Variants in ZNF33B observed in about 807,000 individuals in gnomAD.
ZNF33B encodes zinc finger protein 11b (KOX 2).
Under a neutral mutation model 45.8 loss-of-function variants are expected in ZNF33B, and 29 were observed. The ratio of observed to expected loss-of-function variants is 0.63; its 90% CI spans 0.47 to 0.86. The LOEUF is 0.86. Among genes scored for constraint, ZNF33B ranks in the 40% least tolerant of loss-of-function variants. ZNF33B has a pLI of 0.00. For synonymous variants in ZNF33B, 305 were observed against 307.8 expected, an observed-to-expected ratio of 0.99 and a Z score of 0.10; for missense variants, 831 against 909.9, an observed-to-expected ratio of 0.91 and a Z score of 1.12.
downstream of ZNF33B, among the ~76,000 whole-genome samples, chr10:42,586,474 T>C: frequency 6.6e-6 from 1 of 152,136 alleles, no homozygotes; most frequent in East Asian, 1.9e-4. Context: ...AGACGAAGTC[T>C]CACTCTGTCA....
At chr10:42,600,931 T>C (rs1176362570) in intron 4 of ZNF33B, among the ~76,000 whole-genome samples, 4 of 151,836 alleles carry the variant, frequency 2.6e-5, no homozygotes, top group Admixed American at 1.3e-4. Flanking sequence ...TTCATCCCCC[T>C]GAGTAGATCC....
intron 4 of ZNF33B, among the ~76,000 whole-genome samples, chr10:42,625,285 G>A (rs1838757192): frequency 6.6e-6 from 1 of 151,886 alleles, no homozygotes; most frequent in East Asian, 1.9e-4. Flanking sequence ...TCAGCACAAA[G>A]GTCCTATACA....
intron 4 of ZNF33B, among the ~76,000 whole-genome samples, chr10:42,628,690 CACT>C (rs1395213519): frequency 2.5e-4 from 38 of 152,172 alleles, no homozygotes; most frequent in African/African-American, 8.9e-4. Flanking sequence ...CTATGTTGTT[CACT>C]ATGAGTTTCC....
chr10:42,631,790 G>C, intron 4 of ZNF33B, 139 bp downstream of exon 4: 2 of 717,260 alleles, frequency 2.8e-6, no homozygotes, highest in South Asian at 3.8e-5. Context: ...TTAGCAATCA[G>C]TATTCTCCAT....
intron 4 of ZNF33B, among the ~76,000 whole-genome samples, chr10:42,599,653 G>A (rs1462999031): frequency 6.6e-6 from 1 of 151,798 alleles, no homozygotes; most frequent in Non-Finnish European, 1.5e-5. Context: ...GGATATATAT[G>A]CACACAATAC....
At chr10:42,625,035 A>ATT (rs896339900) in intron 4 of ZNF33B, among the ~76,000 whole-genome samples, 82 of 66,388 alleles carry the variant, frequency 1.2e-3, no homozygotes, top group African/African-American at 3.3e-3. Context: ...ATTGTTTCAT[A>ATT]TTTTATATAT....
intron 4 of ZNF33B, among the ~76,000 whole-genome samples, chr10:42,625,038 TTATA>T (rs58614890): frequency 0.28 from 41,421 of 145,448 alleles, 6,646 homozygotes; most frequent in Non-Finnish European, 0.38. Flanking sequence ...GTTTCATATT[TTATA>T]TATATATATA....
chr10:42,587,136 C>T (rs1836951322), downstream of ZNF33B, among the ~76,000 whole-genome samples: 1 of 152,144 alleles, frequency 6.6e-6, no homozygotes, highest in Non-Finnish European at 1.5e-5. Flanking sequence ...GACCTTACCA[C>T]CTCCCAAAGG....
intron 4 of ZNF33B, among the ~76,000 whole-genome samples, chr10:42,614,513 T>C (rs894261622): frequency 1.3e-5 from 2 of 152,246 alleles, no homozygotes; most frequent in African/African-American, 4.8e-5. Flanking sequence ...GTTGCAAACA[T>C]ACCACCCTAA....
At chr10:42,617,765 T>C (rs1278023849) in intron 4 of ZNF33B, among the ~76,000 whole-genome samples, 1 of 152,170 alleles carries the variant, frequency 6.6e-6, no homozygotes, top group African/African-American at 2.4e-5. Context: ...TATGCTGTCA[T>C]TTCAAAACTG....
intron 2 of ZNF33B, among the ~76,000 whole-genome samples, chr10:42,635,010 G>A (rs1839222888): frequency 6.6e-6 from 1 of 152,196 alleles, no homozygotes. Context: ...ATTTTGGGAA[G>A]CCAAGGCAGG....
chr10:42,588,809 A>G (rs2054671699), downstream of ZNF33B, among the ~76,000 whole-genome samples: 1 of 152,182 alleles, frequency 6.6e-6, no homozygotes, highest in Non-Finnish European at 1.5e-5. Flanking sequence ...CTGCTTAGGA[A>G]TAAGCAGGAA....
chr10:42,596,129 G>GA (rs1401406542), intron 4 of ZNF33B, among the ~76,000 whole-genome samples: 3 of 151,252 alleles, frequency 2.0e-5, no homozygotes, highest in Non-Finnish European at 4.4e-5. Flanking sequence ...CCTTAAAGAA[G>GA]AAAAAAGAAA....
At chr10:42,627,148 C>T (rs868674945) in intron 4 of ZNF33B, among the ~76,000 whole-genome samples, 9 of 134,588 alleles carry the variant, frequency 6.7e-5, no homozygotes, top group South Asian at 5.2e-4. Context: ...GGATTACAGG[C>T]GTGCACCACC....
In ZNF33B at chr10:42,593,436, G is replaced by C; in HGVS notation, c.1514C>G (p.Thr505Ser). 1 of 1,614,022 alleles carries C rather than the reference G, an allele frequency of 6.2e-7. No homozygotes were observed. The highest frequency in any genetic ancestry group is 1.1e-5 in the South Asian group (1 of 91,072). The change falls in exon 5 of 5, where the codon ACT becomes AGT. Residue 505 changes from threonine (T) to serine (S), a missense_variant. Transcript: ENST00000359467. ...GGTGAGTACTGACTTGTGGTAGAAA[G>C]TTTTCCCACATGCATTACATTCATA... ...KPYECNACGKTFYHKSVLTRH... is the reference protein window; with the variant it reads ...KPYECNACGKSFYHKSVLTRH...
Position 42,591,189 on chromosome 10 carries a change from C to T in ZNF33B, c.*1424G>A, listed in dbSNP as rs1238358999. 1 of 692,566 alleles carries T rather than the reference C, an allele frequency of 1.4e-6. No individual in the cohort carries two copies. Among genetic ancestry groups the T allele is most frequent in the Non-Finnish European group, 1.8e-6 (1 of 563,068 alleles). The allele number at this position is 692,566 out of a possible 1,614,324, so 42.9% of individuals were successfully genotyped here. On this transcript the variant is annotated 3_prime_UTR_variant, in exon 5 of 5. Coordinates refer to ENST00000359467, the MANE Select transcript of ZNF33B (RefSeq NM_006955.3). ...CAGATCCCTGTCTGGGTACAATGAG[C>T]AATGAAATGACAGTCCAACAGCCCT...
intron 1 of ZNF33B, among the ~76,000 whole-genome samples, chr10:42,577,588 C>T (rs189970192): frequency 6.6e-6 from 1 of 152,148 alleles, no homozygotes; most frequent in Non-Finnish European, 1.5e-5. Flanking sequence ...TCTCCTTCTA[C>T]TCCCGGGGTT....
chr10:42,636,934 T>C lies in ZNF33B; in HGVS notation c.-6A>G, dbSNP rs1483053672. 6.2e-7 allele frequency: 1 copy of C among 1,614,100 alleles called. No homozygotes were observed. Among genetic ancestry groups the C allele is most frequent in the Non-Finnish European group, 8.5e-7 (1 of 1,180,048 alleles). On this transcript the variant is annotated 5_prime_UTR_variant, in exon 2 of 5. Transcript: ENST00000359467. ...AAACAACTTACCTTGTTCATTTTGT[T>C]CTGTTCTTGGAAAGACGGAGACAAC... is the stretch of plus-strand genomic sequence containing the variant.
At chr10:42,603,160 A>C (rs1837695193) in intron 4 of ZNF33B, among the ~76,000 whole-genome samples, 1 of 152,198 alleles carries the variant, frequency 6.6e-6, no homozygotes, top group Non-Finnish European at 1.5e-5. Context: ...CCCTGATCAT[A>C]AAGCACAGTA....
Sources: gnomAD v4.1 joint callset for allele counts (sites outside exome capture counted in the v4.1 genomes callset) on GRCh38, gnomAD v4.1.1 for gene constraint, MANE v1.5 for transcripts, NCBI Gene and HGNC (gene_info 2026-07-23, HGNC 2026-07-21) for gene names.